Variants in CCDC91 observed in about 807,000 individuals in gnomAD.
CCDC91 encodes coiled-coil domain containing 91, also known as coiled-coil domain-containing protein 91.
A neutral mutation model predicts 63.2 loss-of-function variants in CCDC91; 48 were observed. The ratio of observed to expected loss-of-function variants is 0.76; its 90% CI spans 0.60 to 0.97. The LOEUF (loss-of-function observed/expected upper bound fraction) is 0.97. Among genes scored for constraint, CCDC91 ranks in the 50% least tolerant of loss-of-function variants. CCDC91 has a pLI of 0.00. For missense variants in CCDC91, 500 were observed against 494.6 expected, an observed-to-expected ratio of 1.01 and a Z score of -0.10; for synonymous variants, 167 against 165.8, an observed-to-expected ratio of 1.01 and a Z score of -0.06.
At chr12:28,539,700 A>AT (rs1339905191) in intron 12 of CCDC91, among the ~76,000 whole-genome samples, 1 of 152,134 alleles carries the variant, frequency 6.6e-6, no homozygotes, top group African/African-American at 2.4e-5. Context: ...AGAAGTAGGG[A>AT]TGTTAGGATT....
intron 3 of CCDC91, among the ~76,000 whole-genome samples, chr12:28,298,740 AC>A (rs1565755511): frequency 1.3e-5 from 2 of 149,450 alleles, no homozygotes; most frequent in Middle Eastern, 3.4e-3. Flanking sequence ...AAAAAAAACA[AC>A]AACAACAACA....
At chr12:28,361,220 G>A (rs1943857349) in intron 6 of CCDC91, among the ~76,000 whole-genome samples, 1 of 151,298 alleles carries the variant, frequency 6.6e-6, no homozygotes, top group African/African-American at 2.4e-5. Context: ...TAGGGTACAT[G>A]TGCACAATGT....
chr12:28,370,039 C>G (rs1944517447), intron 7 of CCDC91, among the ~76,000 whole-genome samples: 1 of 152,232 alleles, frequency 6.6e-6, no homozygotes, highest in African/African-American at 2.4e-5. Context: ...CATCTTCCCA[C>G]TGTTTTGGCT....
At chr12:28,405,018 G>C (rs1946848021) in intron 8 of CCDC91, among the ~76,000 whole-genome samples, 1 of 151,988 alleles carries the variant, frequency 6.6e-6, no homozygotes, top group Non-Finnish European at 1.5e-5. Flanking sequence ...ATTATTGATA[G>C]AGTTGGATTC....
At chr12:28,391,513 G>T in intron 8 of CCDC91, 102 bp downstream of exon 8, 1 of 621,764 alleles carries the variant, frequency 1.6e-6, no homozygotes, top group Non-Finnish European at 2.7e-6. Context: ...TTTACTTGGT[G>T]TATTTTGGAG....
intron 6 of CCDC91, among the ~76,000 whole-genome samples, chr12:28,333,772 C>T (rs1171112007): frequency 6.6e-6 from 1 of 152,160 alleles, no homozygotes; most frequent in Non-Finnish European, 1.5e-5. Context: ...TTCCATACGT[C>T]AGATTATATA....
At chr12:28,348,398 C>T (rs1189159086) in intron 6 of CCDC91, among the ~76,000 whole-genome samples, 10 of 152,156 alleles carry the variant, frequency 6.6e-5, no homozygotes, top group Non-Finnish European at 1.3e-4. Context: ...GCAGTGCCCG[C>T]GTACCCACTC....
At chr12:28,371,273 C>T (rs1460799991) in intron 7 of CCDC91, among the ~76,000 whole-genome samples, 1 of 152,100 alleles carries the variant, frequency 6.6e-6, no homozygotes, top group Non-Finnish European at 1.5e-5. Flanking sequence ...TCCACCACCT[C>T]AGATCAGTGG....
chr12:28,367,702 G>C (rs1239550397), intron 7 of CCDC91, among the ~76,000 whole-genome samples: 2 of 151,920 alleles, frequency 1.3e-5, no homozygotes, highest in African/African-American at 4.8e-5. Flanking sequence ...CCACTATAAT[G>C]GTTAATTTAT....
At chr12:28,520,158 T>A (rs1365109137) in intron 12 of CCDC91, among the ~76,000 whole-genome samples, 9 of 152,154 alleles carry the variant, frequency 5.9e-5, no homozygotes, top group African/African-American at 1.9e-4. Context: ...TGACTTCCAC[T>A]ATGGTTGAAC....
At chr12:28,383,282 G>A (rs1945404364) in intron 7 of CCDC91, among the ~76,000 whole-genome samples, 1 of 152,048 alleles carries the variant, frequency 6.6e-6, no homozygotes, top group South Asian at 2.1e-4. Context: ...TTTGAATTGT[G>A]TAGTACTACT....
At chr12:28,417,927 A>G (rs1036073616) in intron 8 of CCDC91, among the ~76,000 whole-genome samples, 1 of 152,050 alleles carries the variant, frequency 6.6e-6, no homozygotes, top group African/African-American at 2.4e-5. Context: ...GTGGTCCTAC[A>G]TTGAGTGGTA....
chr12:28,458,776 C>T (rs1384540125), intron 11 of CCDC91, among the ~76,000 whole-genome samples: 1 of 151,966 alleles, frequency 6.6e-6, no homozygotes, highest in Non-Finnish European at 1.5e-5. Flanking sequence ...GAAAAATAAT[C>T]CTTAAACATA....
chr12:28,431,673 C>T (rs1176941461), intron 8 of CCDC91, among the ~76,000 whole-genome samples: 3 of 151,850 alleles, frequency 2.0e-5, no homozygotes, highest in African/African-American at 7.3e-5. Flanking sequence ...CTCCTGTCCC[C>T]CAAAGTGACC....
At chr12:28,460,220 C>T (rs900786178) in intron 11 of CCDC91, among the ~76,000 whole-genome samples, 2 of 152,060 alleles carry the variant, frequency 1.3e-5, no homozygotes, top group African/African-American at 4.8e-5. Context: ...ACATCATTGG[C>T]AGAGCTAAGA....
chr12:28,334,832 C>T (rs7294553), intron 6 of CCDC91, among the ~76,000 whole-genome samples: 61,870 of 151,594 alleles, frequency 0.41, 12,955 homozygotes, highest in Middle Eastern at 0.49. Context: ...CAGTAACAAT[C>T]CTCATATCCA....
chr12:28,381,593 C>T (rs1392398180), intron 7 of CCDC91, among the ~76,000 whole-genome samples: 6 of 152,058 alleles, frequency 3.9e-5, no homozygotes, highest in Non-Finnish European at 7.4e-5. Context: ...TTATAGCAAT[C>T]GGAGGCAAAT....
At chr12:28,363,876 G>GAA (rs34997286) in intron 7 of CCDC91, among the ~76,000 whole-genome samples, 41 of 52,520 alleles carry the variant, frequency 7.8e-4, no homozygotes, top group East Asian at 1.4e-3. Context: ...GGCTCCATCT[G>GAA]AAAAAAAAAA....
At chr12:28,459,976 C>G (rs1202674200) in intron 11 of CCDC91, among the ~76,000 whole-genome samples, 1 of 152,088 alleles carries the variant, frequency 6.6e-6, no homozygotes, top group African/African-American at 2.4e-5. Context: ...GAAATTTAAC[C>G]TACTTTCTAA....
Sources: allele counts gnomAD v4.1 joint callset (sites outside exome capture counted in the v4.1 genomes callset), GRCh38; gene constraint gnomAD v4.1.1; transcripts MANE v1.5; gene names NCBI Gene and HGNC (gene_info 2026-07-23, HGNC 2026-07-21).